The following ABCA3 variants were observed in gnomAD, a reference collection of about 807,000 sequenced individuals.
ABCA3 encodes phospholipid-transporting ATPase ABCA3.
In ABCA3, 88 loss-of-function variants were observed where a neutral mutation model predicts 172.8. That is an observed-to-expected ratio of 0.51 (90% CI 0.43 to 0.61). The LOEUF is 0.61. Among genes scored for constraint, ABCA3 ranks in the 20% least tolerant of loss-of-function variants. The probability of loss-of-function intolerance (pLI) is 0.00; values close to 1 mark genes in which losing one functional copy is unlikely to be tolerated. For synonymous variants in ABCA3, 1,066 were observed against 983.8 expected (o/e 1.08, Z -1.56); for missense variants, 2,164 against 2,301.0 (o/e 0.94, Z 1.22).
rs1403470589 is a variant in ABCA3, at chr16:2,286,858, G to A, written c.3114C>T (p.Val1038=). The A allele has an allele frequency of 3.7e-6, 6 of 1,614,114 alleles. No homozygotes were observed. The highest frequency in any genetic ancestry group is 5.1e-6 in the Non-Finnish European group (6 of 1,180,022). The change falls in exon 22 of 33, where the codon GTC becomes GTT. Residue 1038 remains valine, a synonymous_variant. Coordinates refer to ENST00000301732, the MANE Select transcript of ABCA3 (RefSeq NM_001089.3). The surrounding 1 kb of genome is among the most constrained non-coding windows in gnomAD (Gnocchi z 5.2). ...SFRDVGERTV[V]NALFNNQAYH... ...ACGCCTGGTTGTTGAACAAGGCGTT[G>A]ACGACCGTGCGCTCTCCCACATCTC... is the stretch of plus-strand genomic sequence containing the variant.
chr16:2,319,899 G>C (rs1234386790), intron 7 of ABCA3, 59 bp from the exon 8 acceptor site: 13 of 1,606,408 alleles, frequency 8.1e-6, no homozygotes, highest in Non-Finnish European at 7.6e-6. Context: ...CGAGGGCAGA[G>C]GGCCACGTGC....
intron 20 of ABCA3, 83 bp from the exon 21 acceptor site, chr16:2,288,412 C>T: frequency 6.9e-7 from 1 of 1,450,642 alleles, no homozygotes; most frequent in Non-Finnish European, 9.2e-7. Flanking sequence ...AGGTGCTGTT[C>T]TGTGTGACGC....
At chr16:2,291,279 T>C (rs1484176654) in intron 19 of ABCA3, among the ~76,000 whole-genome samples, 1 of 151,974 alleles carries the variant, frequency 6.6e-6, no homozygotes, top group African/African-American at 2.4e-5. Flanking sequence ...TGAGCTGAGA[T>C]TGCACCACTG....
chr16:2,278,649 G>T lies in ABCA3; in HGVS notation c.4548-191C>A, dbSNP rs150929. Among the ~76,000 whole-genome samples, 65,425 of 152,118 alleles carry T rather than the reference G, an allele frequency of 0.43. 14,248 individuals are homozygous for T. Among genetic ancestry groups the T allele is most frequent in the East Asian group, 0.52 (2,665 of 5,174 alleles). ...AGGGCTGGAGGCCCCAGAGAAGGCT[G>T]TTCCCAGGGGCCCGGTGCACGCACC... On this transcript the variant is annotated intron_variant, in intron 29 of 32. Transcript: ENST00000301732. This position sits in a 1 kb window ranked among gnomAD's most constrained non-coding sequence, Gnocchi z 4.4.
At position 2,319,541 on chromosome 16, in the gene ABCA3, G is replaced by A. The variant is rs199812193; in HGVS notation, c.873+40C>T. 182 of 1,602,864 alleles carry A rather than the reference G, an allele frequency of 1.1e-4. No homozygotes were observed. In the African/African-American group the frequency reaches 1.3e-3, roughly 12 times the overall value. ...TTGGACATGGCCTCCCCAGGACAGC[G>A]CGGTTTCTAGAGTGTTGGGGAGCCA... is the stretch of plus-strand genomic sequence containing the variant. On this transcript the variant is annotated intron_variant, in intron 8 of 32. Coordinates refer to ENST00000301732, the MANE Select transcript of ABCA3 (RefSeq NM_001089.3).
At position 2,328,598 on chromosome 16, in the gene ABCA3, T is replaced by A. The variant is rs770914968; in HGVS notation, c.-172A>T. 1.9e-6 allele frequency: 1 copy of A among 513,260 alleles called. No homozygotes were observed. The highest frequency in any genetic ancestry group is 3.9e-6 in the Non-Finnish European group (1 of 257,478). The allele number at this position is 513,260 out of a possible 1,614,324, so 31.8% of individuals were successfully genotyped here. ...TGTCCTGGAGAGGCAGGGAAGGCGA[T>A]GGAGGAGGGGCAGTCTAGAGAGCCC... On this transcript the variant is annotated 5_prime_UTR_variant, in exon 3 of 33. Transcript: ENST00000301732.
intron 10 of ABCA3, among the ~76,000 whole-genome samples, chr16:2,314,543 C>T (rs544661257): frequency 6.6e-6 from 1 of 151,330 alleles, no homozygotes; most frequent in Non-Finnish European, 1.5e-5. Flanking sequence ...GGGGTGGGTG[C>T]ACAACGATGT....
chr16:2,312,902 T>C (rs968336990), intron 10 of ABCA3, among the ~76,000 whole-genome samples: 15 of 151,816 alleles, frequency 9.9e-5, no homozygotes, highest in Non-Finnish European at 1.6e-4. Context: ...CTACAAAAAT[T>C]AGCTGGGCAT....
At chr16:2,333,187 C>T (rs2093746228) in intron 1 of ABCA3, among the ~76,000 whole-genome samples, 1 of 152,082 alleles carries the variant, frequency 6.6e-6, no homozygotes, top group African/African-American at 2.4e-5. Flanking sequence ...GGTCTTGAGA[C>T]CCATGAACAG....
In ABCA3 at chr16:2,275,933, C is replaced by T. The variant is rs1475231214; in HGVS notation, c.*741G>A. 1 of 195,996 alleles carries T rather than the reference C, an allele frequency of 5.1e-6. No individual in the cohort carries two copies. The highest frequency in any genetic ancestry group is 2.4e-5 in the African/African-American group (1 of 42,088). The allele number at this position is 195,996 out of a possible 1,614,324, so 12.1% of individuals were successfully genotyped here. A position where few individuals can be genotyped will look rare whatever the true frequency, so the allele number is the denominator to read the frequency against. ...ATGGTCACAACGTATTCAATGTGTC[C>T]TTGAGACAGCCACCCAGCCCTTAGG... On this transcript the variant is annotated 3_prime_UTR_variant, in exon 33 of 33. Transcript: ENST00000301732.
chr16:2,304,180 A>G, intron 11 of ABCA3, 30 bp from the exon 12 acceptor site: 1 of 1,613,786 alleles, frequency 6.2e-7, no homozygotes, highest in Non-Finnish European at 8.5e-7. Context: ...AGTGGCCCGA[A>G]AGCCAGCAGG....
chr16:2,334,290 C>T (rs1281022634), intron 1 of ABCA3, among the ~76,000 whole-genome samples: 4 of 151,884 alleles, frequency 2.6e-5, no homozygotes, highest in Non-Finnish European at 4.4e-5. Flanking sequence ...AGAGAATGAG[C>T]CAGGAAAGGC....
rs1021623099 is a variant in ABCA3 at position 2,277,399 on chromosome 16, T to A, written c.4983+198A>T. 6.6e-6 allele frequency among the ~76,000 whole-genome samples: 1 copy of A among 152,162 alleles called. No homozygotes were observed. Among genetic ancestry groups the A allele is most frequent in the Non-Finnish European group, 1.5e-5 (1 of 68,038 alleles). ...CACCATCCCTGACCCCTTTCCTGTT[T>A]TACACTGAATTCCTTTTACCACTGA... On this transcript the variant is annotated intron_variant, in intron 32 of 32. Transcript: ENST00000301732. This position sits in a 1 kb window ranked among gnomAD's most constrained non-coding sequence, Gnocchi z 5.3.
chr16:2,285,748 C>T lies in ABCA3; in HGVS notation c.3279-102G>A. ...CCGCCCAAGGCATGCAGGGCAGCAG[C>T]CCAACCACTAAAGGGGCTTATGGGA... is the stretch of plus-strand genomic sequence containing the variant. On this transcript the variant is annotated intron_variant, in intron 22 of 32. Coordinates refer to ENST00000301732, the MANE Select transcript of ABCA3 (RefSeq NM_001089.3). This position sits in a 1 kb window ranked among gnomAD's most constrained non-coding sequence, Gnocchi z 4.7. 4 of 1,145,456 alleles carry T rather than the reference C, an allele frequency of 3.5e-6. No individual in the cohort carries two copies. Among genetic ancestry groups the T allele is most frequent in the Non-Finnish European group, 5.1e-6 (4 of 786,088 alleles). 71.0% of individuals were successfully genotyped at this position (1,145,456 alleles called of 1,614,324 possible).
intron 10 of ABCA3, among the ~76,000 whole-genome samples, chr16:2,315,097 A>G (rs1377015794): frequency 1.3e-5 from 2 of 150,120 alleles, no homozygotes; most frequent in East Asian, 3.9e-4. Context: ...GTTGGCCAGG[A>G]TGGTCTCAAT....
chr16:2,297,815 C>G lies in ABCA3; in HGVS notation c.2003G>C (p.Gly668Ala). 6.2e-7 allele frequency: 1 copy of G among 1,613,582 alleles called. No homozygotes were observed. Among genetic ancestry groups the G allele is most frequent in the Non-Finnish European group, 8.5e-7 (1 of 1,180,036 alleles). ...WNSRSRFLSGGMRRKLSIGIA... is the reference protein window; with the variant it reads ...WNSRSRFLSGAMRRKLSIGIA... ...GCCGATGGAGAGCTTGCGCCTCATG[C>G]CCCCGCTCAGGAAGCGGCTCCGTGA... The change falls in exon 16 of 33, where the codon GGC becomes GCC. Residue 668 changes from glycine (G) to alanine (A), a missense_variant. By Grantham distance (60) the Gly-to-Ala change is moderately conservative. This residue lies in a region of ABCA3 where 1,343 missense variants were observed against 1,369.6 expected (regional missense o/e 0.98). Transcript: ENST00000301732. This position sits in a 1 kb window ranked among gnomAD's most constrained non-coding sequence, Gnocchi z 5.6.
Position 2,317,758 on chromosome 16 carries a change from T to C in ABCA3, c.880A>G (p.Met294Val), listed in dbSNP as rs748318814. ...CAGCTGCTGAGCCCCATCATGCGCATGTACTCCTGGGGAGAGAAGCCATCA... is the reference window on the plus strand; with the variant it reads ...CAGCTGCTGAGCCCCATCATGCGCACGTACTCCTGGGGAGAGAAGCCATCA... ...QEKERRLKEY[M>V]RMMGLSSWLH... The change falls in exon 9 of 33, where the codon ATG becomes GTG. Residue 294 changes from methionine to valine, a missense_variant. This residue lies in a region of ABCA3 where 1,343 missense variants were observed against 1,369.6 expected (regional missense o/e 0.98). Coordinates refer to ENST00000301732, the MANE Select transcript of ABCA3 (RefSeq NM_001089.3). 2 of 1,613,930 alleles carry C rather than the reference T, an allele frequency of 1.2e-6. No individual in the cohort carries two copies. The highest frequency in any genetic ancestry group is 1.7e-6 in the Non-Finnish European group (2 of 1,179,828).
intron 12 of ABCA3, among the ~76,000 whole-genome samples, chr16:2,302,285 C>T (rs999120825): frequency 2.6e-5 from 4 of 152,090 alleles, no homozygotes; most frequent in Non-Finnish European, 5.9e-5. Context: ...GTCTCCCCGA[C>T]CGAGCTGGTC....
chr16:2,280,091 C>A (rs897915299), intron 28 of ABCA3, among the ~76,000 whole-genome samples: 1 of 152,192 alleles, frequency 6.6e-6, no homozygotes, highest in Non-Finnish European at 1.5e-5. Flanking sequence ...TTAGCCACTA[C>A]CTTTTTGGCT....
Sources: allele counts gnomAD v4.1 joint callset (sites outside exome capture counted in the v4.1 genomes callset), GRCh38; gene constraint gnomAD v4.1.1; regional missense constraint gnomAD v4.1.1; non-coding constraint Gnocchi (gnomAD v3.1); transcripts MANE v1.5; gene names NCBI Gene and HGNC (gene_info 2026-07-23, HGNC 2026-07-21).